The following STK32C variants were observed in gnomAD, a reference collection of about 807,000 sequenced individuals.
STK32C encodes serine/threonine-protein kinase 32C.
Under a neutral mutation model 56.5 loss-of-function variants are expected in STK32C, and 31 were observed. The ratio of observed to expected loss-of-function variants is 0.55; its 90% CI spans 0.41 to 0.74. STK32C has a LOEUF of 0.74. Among genes scored for constraint, STK32C ranks in the 30% least tolerant of loss-of-function variants. STK32C has a pLI of 0.00. For missense variants in STK32C, 544 were observed against 676.9 expected, an observed-to-expected ratio of 0.80 and a Z score of 2.18; for synonymous variants, 309 against 289.4, an observed-to-expected ratio of 1.07 and a Z score of -0.69.
intron 1 of STK32C, among the ~76,000 whole-genome samples, chr10:132,329,152 C>T (rs1032238653): frequency 6.6e-6 from 1 of 152,246 alleles, no homozygotes; most frequent in Admixed American, 6.5e-5. Flanking sequence ...CAGTGGCTCA[C>T]GCCTATAATC....
At chr10:132,275,298 A>G (rs1330870684) in intron 1 of STK32C, among the ~76,000 whole-genome samples, 5 of 151,966 alleles carry the variant, frequency 3.3e-5, no homozygotes, top group African/African-American at 4.8e-5. Context: ...GGGTGCTGGG[A>G]CCCCCGGGGA....
intron 2 of STK32C, among the ~76,000 whole-genome samples, chr10:132,228,554 C>A (rs151260109): frequency 1.3e-5 from 2 of 152,244 alleles, no homozygotes; most frequent in African/African-American, 2.4e-5. Flanking sequence ...AGCATCCAGG[C>A]GTGAGTTGGA....
chr10:132,231,821 C>G (rs745423364), intron 2 of STK32C, among the ~76,000 whole-genome samples: 1 of 152,186 alleles, frequency 6.6e-6, no homozygotes, highest in Non-Finnish European at 1.5e-5. Flanking sequence ...AGTGACATGG[C>G]GGCAAGCTGA....
chr10:132,283,323 C>A (rs899531716), intron 1 of STK32C, among the ~76,000 whole-genome samples: 2 of 152,262 alleles, frequency 1.3e-5, no homozygotes, highest in Non-Finnish European at 1.5e-5. Flanking sequence ...AATGGCACAA[C>A]CCGCCCTGTG....
At chr10:132,238,251 T>C (rs1465339652) in intron 2 of STK32C, among the ~76,000 whole-genome samples, 9 of 152,176 alleles carry the variant, frequency 5.9e-5, no homozygotes, top group Admixed American at 3.3e-4. Flanking sequence ...GTCCAAGAGA[T>C]CCACATGATT....
At chr10:132,261,099 G>A (rs368921627) in intron 1 of STK32C, among the ~76,000 whole-genome samples, 149 of 129,580 alleles carry the variant, frequency 1.1e-3, no homozygotes, top group African/African-American at 4.8e-3. Flanking sequence ...GGGAGGACTC[G>A]GGGACTACGA....
At chr10:132,263,865 C>CAA (rs71472732) in intron 1 of STK32C, among the ~76,000 whole-genome samples, 8 of 75,898 alleles carry the variant, frequency 1.1e-4, no homozygotes, top group African/African-American at 2.7e-4. Context: ...GACTCCATCT[C>CAA]AAAAAAAAAA....
At chr10:132,307,997 A>AG, upstream of STK32C, 1 of 194,548 alleles carries the variant, frequency 5.1e-6, no homozygotes, top group Non-Finnish European at 5.9e-6. The surrounding 1 kb of genome is among the most constrained non-coding windows in gnomAD (Gnocchi z 4.4). Flanking sequence ...GGGGCGGGGC[A>AG]GGGGCGGGGC....
intron 1 of STK32C, among the ~76,000 whole-genome samples, chr10:132,313,243 G>A (rs1424179948): frequency 1.3e-5 from 2 of 152,166 alleles, no homozygotes; most frequent in Non-Finnish European, 2.9e-5. Flanking sequence ...AGGACCTAAG[G>A]CCATGCCGAG....
At chr10:132,320,364 G>A (rs2066381372), downstream of STK32C, among the ~76,000 whole-genome samples, 1 of 152,100 alleles carries the variant, frequency 6.6e-6, no homozygotes, top group Non-Finnish European at 1.5e-5. Flanking sequence ...GCTTGAATCT[G>A]CACGGCGGTG....
chr10:132,280,436 G>A (rs764490858), intron 1 of STK32C, among the ~76,000 whole-genome samples: 194 of 130,906 alleles, frequency 1.5e-3, no homozygotes, highest in African/African-American at 4.8e-3. Flanking sequence ...ACTGCACTCC[G>A]TGATCACGCC....
At chr10:132,229,690 G>A (rs2063024925) in intron 2 of STK32C, among the ~76,000 whole-genome samples, 2 of 152,298 alleles carry the variant, frequency 1.3e-5, no homozygotes, top group African/African-American at 2.4e-5. Flanking sequence ...TCCTGGCTCC[G>A]GGGCCCTTAC....
chr10:132,235,525 C>CAAT (rs1289425293), intron 2 of STK32C, among the ~76,000 whole-genome samples: 3 of 112,134 alleles, frequency 2.7e-5, no homozygotes, highest in African/African-American at 6.5e-5. Flanking sequence ...GGAAAGAAAT[C>CAAT]AATCAATCAA....
intron 1 of STK32C, among the ~76,000 whole-genome samples, chr10:132,271,489 G>A (rs1412889926): frequency 6.6e-6 from 1 of 152,110 alleles, no homozygotes; most frequent in African/African-American, 2.4e-5. Flanking sequence ...CCTGAGGCTG[G>A]CCCCACACCT....
At chr10:132,295,207 T>C (rs1412325473) in intron 1 of STK32C, among the ~76,000 whole-genome samples, 1 of 151,918 alleles carries the variant, frequency 6.6e-6, no homozygotes, top group African/African-American at 2.4e-5. Context: ...AAAAGATCAC[T>C]GTCCCCCCAG....
chr10:132,326,054 A>G (rs1211049083), intron 1 of STK32C, among the ~76,000 whole-genome samples: 1 of 152,008 alleles, frequency 6.6e-6, no homozygotes, highest in African/African-American at 2.4e-5. Flanking sequence ...AAATGGACTA[A>G]CATGGTTTCC....
At chr10:132,240,146 G>T (rs976918473) in intron 2 of STK32C, among the ~76,000 whole-genome samples, 3 of 152,046 alleles carry the variant, frequency 2.0e-5, no homozygotes, top group Non-Finnish European at 1.5e-5. Context: ...GACTCAAGCC[G>T]CCTGGGTGGT....
intron 10 of STK32C, among the ~76,000 whole-genome samples, chr10:132,213,484 G>A (rs2380102): frequency 0.82 from 124,676 of 152,228 alleles, 51,210 homozygotes; most frequent in East Asian, 0.96. Context: ...AGCCTCTGGT[G>A]CCCACAGCTA....
chr10:132,267,244 C>T (rs1247992296), intron 1 of STK32C, among the ~76,000 whole-genome samples: 1 of 152,226 alleles, frequency 6.6e-6, no homozygotes, highest in African/African-American at 2.4e-5. Context: ...TTTTGGGGTC[C>T]CTTGAAACCT....
Sources: allele counts gnomAD v4.1 joint callset (sites outside exome capture counted in the v4.1 genomes callset), GRCh38; gene constraint gnomAD v4.1.1; non-coding constraint Gnocchi (gnomAD v3.1); transcripts MANE v1.5; gene names NCBI Gene and HGNC (gene_info 2026-07-23, HGNC 2026-07-21).